The following PHF20 variants were observed in gnomAD, a reference collection of about 807,000 sequenced individuals.
PHF20 encodes PHD finger protein 20, also known as glioma-expressed antigen 2.
A neutral mutation model predicts 113.5 loss-of-function variants in PHF20; 23 were observed. That is an observed-to-expected ratio of 0.20 (90% CI 0.15 to 0.29). The LOEUF (loss-of-function observed/expected upper bound fraction) is 0.29. PHF20 is among the 10% of genes least tolerant of loss of function. The pLI, the probability that PHF20 is intolerant of heterozygous loss-of-function variation, is 1.00. For synonymous variants in PHF20, 434 were observed against 457.3 expected, an observed-to-expected ratio of 0.95 and a Z score of 0.65; for missense variants, 943 against 1,219.6, an observed-to-expected ratio of 0.77 and a Z score of 3.38.
intron 1 of PHF20, among the ~76,000 whole-genome samples, chr20:35,797,891 C>A (rs1232925392): frequency 6.6e-6 from 1 of 151,852 alleles, no homozygotes; most frequent in African/African-American, 2.4e-5. Context: ...ACCTTGTGAT[C>A]CTCCCACCTC....
At chr20:35,857,842 C>T (rs1308726758) in intron 4 of PHF20, among the ~76,000 whole-genome samples, 2 of 152,062 alleles carry the variant, frequency 1.3e-5, no homozygotes, top group African/African-American at 2.4e-5. Flanking sequence ...CCTCGGCCTC[C>T]CAAAGTGCTG....
chr20:35,853,757 CTTTT>C (rs775477393), intron 4 of PHF20, among the ~76,000 whole-genome samples: 2 of 140,460 alleles, frequency 1.4e-5, no homozygotes, highest in Non-Finnish European at 3.1e-5. Context: ...CTATTTCTTT[CTTTT>C]TTTTTTTTTT....
At chr20:35,849,249 G>A (rs1568648858) in intron 4 of PHF20, 1 of 348,606 alleles carries the variant, frequency 2.9e-6, no homozygotes, top group Admixed American at 4.0e-5. Flanking sequence ...TAGGAGCTCA[G>A]ATCTATGTCT....
chr20:35,835,573 T>G (rs565068024), intron 2 of PHF20, among the ~76,000 whole-genome samples: 144 of 152,296 alleles, frequency 9.5e-4, no homozygotes, highest in African/African-American at 3.4e-3. Flanking sequence ...AAACCAAATA[T>G]GATTTATTCT....
intron 9 of PHF20, among the ~76,000 whole-genome samples, chr20:35,876,875 G>T (rs1362533518): frequency 6.6e-6 from 1 of 151,852 alleles, no homozygotes; most frequent in East Asian, 1.9e-4. Context: ...GGGAGGCCGA[G>T]GCAGGCGGAT....
chr20:35,824,766 C>T (rs1319455963), intron 2 of PHF20, among the ~76,000 whole-genome samples: 1 of 152,166 alleles, frequency 6.6e-6, no homozygotes, highest in African/African-American at 2.4e-5. Flanking sequence ...ACCCTATTTC[C>T]TCCCTGCCCT....
chr20:35,870,303 C>CA (rs1174014648), intron 7 of PHF20, among the ~76,000 whole-genome samples: 1,471 of 52,792 alleles, frequency 0.028, 31 homozygotes, highest in Non-Finnish European at 0.04. Flanking sequence ...GACTCCGTCT[C>CA]AAAAAAAAAA....
At chr20:35,936,379 G>T (rs536035925) in intron 15 of PHF20, among the ~76,000 whole-genome samples, 1 of 152,162 alleles carries the variant, frequency 6.6e-6, no homozygotes, top group Non-Finnish European at 1.5e-5. Context: ...GCTGAGACGG[G>T]ATAGTTGCAG....
chr20:35,934,835 T>C (rs939948379), intron 15 of PHF20, among the ~76,000 whole-genome samples: 3 of 152,150 alleles, frequency 2.0e-5, no homozygotes, highest in African/African-American at 7.2e-5. Context: ...CGGCCCTGGA[T>C]AGGATGTCAG....
chr20:35,891,479 A>T (rs1807844016), intron 9 of PHF20, among the ~76,000 whole-genome samples: 1 of 152,158 alleles, frequency 6.6e-6, no homozygotes, highest in South Asian at 2.1e-4. Context: ...GGACTACAGG[A>T]TCCATAAAAT....
chr20:35,914,907 C>T (rs762327371), intron 12 of PHF20, among the ~76,000 whole-genome samples: 11 of 145,310 alleles, frequency 7.6e-5, no homozygotes, highest in South Asian at 4.3e-4. Flanking sequence ...GAGGTTGCAG[C>T]GAGCCAAGAT....
chr20:35,889,228 C>G (rs973365703), intron 9 of PHF20, among the ~76,000 whole-genome samples: 1 of 151,976 alleles, frequency 6.6e-6, no homozygotes, highest in East Asian at 1.9e-4. Flanking sequence ...GTTAGCCAGG[C>G]TAGTCTCGAA....
chr20:35,875,525 G>C (rs2054505726), intron 9 of PHF20, among the ~76,000 whole-genome samples: 1 of 152,122 alleles, frequency 6.6e-6, no homozygotes, highest in African/African-American at 2.4e-5. Flanking sequence ...GGGCTTGTCG[G>C]GGCAAGGGAT....
Position 35,914,693 on chromosome 20 carries a change from G to A in PHF20, c.1825+496G>A, listed in dbSNP as rs147056023. ...AATGTAAAAATTGGTGGCCAGGCGC[G>A]GTGGCTCACACTTGTAATCCCTACA... On this transcript the variant is annotated intron_variant, in intron 12 of 17. Transcript: ENST00000374012. 4.6e-5 allele frequency among the ~76,000 whole-genome samples: 7 copies of A among 152,084 alleles called. No homozygotes were observed. In the East Asian group the frequency reaches 7.7e-4, roughly 17 times the overall value.
intron 9 of PHF20, among the ~76,000 whole-genome samples, chr20:35,874,866 A>C (rs985084548): frequency 1.3e-5 from 2 of 151,950 alleles, no homozygotes; most frequent in Non-Finnish European, 2.9e-5. Flanking sequence ...CTGGAGGGTC[A>C]CTTGAGGCCA....
At chr20:35,880,361 T>G (rs997519367) in intron 9 of PHF20, among the ~76,000 whole-genome samples, 1 of 151,992 alleles carries the variant, frequency 6.6e-6, no homozygotes, top group Non-Finnish European at 1.5e-5. Context: ...CTTCCTGAAG[T>G]GGGTTAAGGT....
At chr20:35,822,083 A>C (rs1042462327) in intron 2 of PHF20, among the ~76,000 whole-genome samples, 5 of 152,210 alleles carry the variant, frequency 3.3e-5, no homozygotes, top group Non-Finnish European at 7.3e-5. Flanking sequence ...CAGATGTTCA[A>C]GTGTGAGCCC....
intron 9 of PHF20, among the ~76,000 whole-genome samples, chr20:35,877,048 A>C (rs1004652075): frequency 6.9e-6 from 1 of 145,396 alleles, no homozygotes; most frequent in Non-Finnish European, 1.5e-5. Context: ...CGGAGCTTGC[A>C]GTGAGCCTAG....
chr20:35,917,607 T>C lies in PHF20; in HGVS notation c.1949T>C (p.Phe650Ser). Residue 650 changes from phenylalanine (F) to serine (S), a missense_variant, in exon 13 of 18, where the codon TTC becomes TCC. Coordinates refer to ENST00000374012, the MANE Select transcript of PHF20 (RefSeq NM_016436.5). Reference protein sequence around the residue: ...EELDGDDRYDFEVVRCICEVQ... With the variant: ...EELDGDDRYDSEVVRCICEVQ... ...CTTGATGGGGATGACCGCTATGACTTCGAGGTGGTCCGCTGCATCTGTGAG... is the reference window on the plus strand; with the variant it reads ...CTTGATGGGGATGACCGCTATGACTCCGAGGTGGTCCGCTGCATCTGTGAG... 6.2e-7 allele frequency: 1 copy of C among 1,614,032 alleles called. No homozygotes were observed. Among genetic ancestry groups the C allele is most frequent in the Non-Finnish European group, 8.5e-7 (1 of 1,180,006 alleles).
Sources: gnomAD v4.1 joint callset for allele counts (sites outside exome capture counted in the v4.1 genomes callset) on GRCh38, gnomAD v4.1.1 for gene constraint, MANE v1.5 for transcripts, NCBI Gene and HGNC (gene_info 2026-07-23, HGNC 2026-07-21) for gene names.